Variants in SCARB1 observed in about 807,000 individuals in gnomAD.
The protein encoded by SCARB1 is scavenger receptor class B member 1.
A neutral mutation model predicts 57.2 loss-of-function variants in SCARB1; 30 were observed. That is an observed-to-expected ratio of 0.52 (90% CI 0.39 to 0.71). The LOEUF (loss-of-function observed/expected upper bound fraction) is 0.71. Among genes scored for constraint, SCARB1 ranks in the 30% least tolerant of loss-of-function variants. The pLI is 0.00. For missense variants in SCARB1, 543 were observed against 671.2 expected, an observed-to-expected ratio of 0.81 and a Z score of 2.11; for synonymous variants, 249 against 268.3, an observed-to-expected ratio of 0.93 and a Z score of 0.70.
intron 1 of SCARB1, among the ~76,000 whole-genome samples, chr12:124,842,009 G>A (rs970437207): frequency 6.6e-6 from 1 of 152,192 alleles, no homozygotes; most frequent in East Asian, 1.9e-4. Context: ...AGGATGAGTA[G>A]CTTTCCCTGC....
chr12:124,858,792 T>G (rs371164244), intron 1 of SCARB1, among the ~76,000 whole-genome samples: 1 of 150,760 alleles, frequency 6.6e-6, no homozygotes, highest in Non-Finnish European at 1.5e-5. Context: ...GGCAGGAGAA[T>G]GGCGTGAACC....
chr12:124,837,524 G>C (rs1206050440), intron 1 of SCARB1, among the ~76,000 whole-genome samples: 1 of 87,340 alleles, frequency 1.1e-5, no homozygotes. Flanking sequence ...GAAAAGAAAG[G>C]AAAGAAAAAG....
rs1950071865 is a variant in SCARB1, at chr12:124,799,837, G to A, written c.1128+287C>T. Among the ~76,000 whole-genome samples, 3 of 152,162 alleles carry A rather than the reference G, an allele frequency of 2.0e-5. No individual in the cohort carries two copies. The South Asian group carries it at 6.2e-4, about 32-fold the overall frequency. On this transcript the variant is annotated intron_variant, in intron 8 of 12. Coordinates refer to ENST00000261693, the MANE Select transcript of SCARB1 (RefSeq NM_005505.5). ...TTTATGGTATCTTGACACATCCAGA[G>A]GGCTGCCTCCAGCTCACATGTAGGA...
intron 1 of SCARB1, among the ~76,000 whole-genome samples, chr12:124,849,548 C>A (rs955717036): frequency 3.3e-5 from 5 of 152,256 alleles, no homozygotes; most frequent in Non-Finnish European, 7.3e-5. Context: ...CCCACCCAGG[C>A]CCCTTCCACC....
At chr12:124,846,230 A>T (rs541358757) in intron 1 of SCARB1, among the ~76,000 whole-genome samples, 2 of 152,142 alleles carry the variant, frequency 1.3e-5, no homozygotes, top group Non-Finnish European at 2.9e-5. Flanking sequence ...GTGAATTTGA[A>T]CTCAATAAAT....
chr12:124,779,780 G>A (rs75784896), intron 12 of SCARB1, among the ~76,000 whole-genome samples: 179 of 152,124 alleles, frequency 1.2e-3, no homozygotes, highest in African/African-American at 4.1e-3. Flanking sequence ...GCCCACCTCC[G>A]CCCACCTGTG....
At chr12:124,863,483 G>A (rs1952986121) in intron 1 of SCARB1, 112 bp downstream of exon 1, 3 of 1,178,050 alleles carry the variant, frequency 2.5e-6, no homozygotes, top group African/African-American at 3.3e-5. Flanking sequence ...GCCAGGCCCG[G>A]GCGCCGATTC....
At chr12:124,799,995 C>G (rs1021293039) in intron 8 of SCARB1, 129 bp downstream of exon 8, 1 of 758,722 alleles carries the variant, frequency 1.3e-6, no homozygotes, top group Non-Finnish European at 2.4e-6. Flanking sequence ...TTTGGTGGCT[C>G]GAGATTCTAG....
chr12:124,783,105 G>A, intron 11 of SCARB1: 1 of 402,138 alleles, frequency 2.5e-6, no homozygotes, highest in Non-Finnish European at 4.6e-6. Flanking sequence ...GGGCCATGGA[G>A]ACCGACAACC....
At chr12:124,816,773 G>A (rs986312829) in intron 2 of SCARB1, among the ~76,000 whole-genome samples, 2 of 152,108 alleles carry the variant, frequency 1.3e-5, no homozygotes, top group African/African-American at 4.8e-5. Context: ...CATCCTGAGT[G>A]TCCCGGTGAC....
chr12:124,857,894 G>A (rs1242397367), intron 1 of SCARB1, among the ~76,000 whole-genome samples: 1 of 152,202 alleles, frequency 6.6e-6, no homozygotes, highest in Non-Finnish European at 1.5e-5. Flanking sequence ...CATTGAAGAT[G>A]GTGGTCTTGG....
chr12:124,846,590 A>C (rs1395749927), intron 1 of SCARB1, among the ~76,000 whole-genome samples: 1 of 151,882 alleles, frequency 6.6e-6, no homozygotes, highest in Non-Finnish European at 1.5e-5. Context: ...CTCTACTAAA[A>C]ATACAAAAAT....
At chr12:124,821,159 G>A (rs897849888) in intron 1 of SCARB1, among the ~76,000 whole-genome samples, 3 of 151,942 alleles carry the variant, frequency 2.0e-5, no homozygotes, top group Non-Finnish European at 1.5e-5. Context: ...GATGACTTGA[G>A]CCCAGGAAGC....
intron 1 of SCARB1, among the ~76,000 whole-genome samples, chr12:124,819,777 T>C (rs1594294535): frequency 6.6e-6 from 1 of 152,202 alleles, no homozygotes; most frequent in Non-Finnish European, 1.5e-5. Flanking sequence ...AGCTGGCCAG[T>C]CAGGGCCAGC....
intron 1 of SCARB1, among the ~76,000 whole-genome samples, chr12:124,834,045 G>T (rs1951529114): frequency 6.6e-6 from 1 of 152,248 alleles, no homozygotes; most frequent in Admixed American, 6.5e-5. Context: ...CCTCCTGCCA[G>T]TGACACGAGG....
intron 1 of SCARB1, among the ~76,000 whole-genome samples, chr12:124,833,168 T>A (rs1451172258): frequency 6.7e-6 from 1 of 149,852 alleles, no homozygotes; most frequent in East Asian, 2.0e-4. Context: ...CAATCCAAGT[T>A]CATCTCCCAT....
At chr12:124,860,333 T>C (rs558949206) in intron 1 of SCARB1, among the ~76,000 whole-genome samples, 1 of 152,244 alleles carries the variant, frequency 6.6e-6, no homozygotes, top group Non-Finnish European at 1.5e-5. Flanking sequence ...GAAAAAGATG[T>C]CAACTAGTGT....
At chr12:124,808,429 T>C (rs747532845) in intron 6 of SCARB1, among the ~76,000 whole-genome samples, 2 of 152,228 alleles carry the variant, frequency 1.3e-5, no homozygotes, top group Non-Finnish European at 2.9e-5. Context: ...GCATAAGCTC[T>C]GCTCAGCCCT....
chr12:124,825,092 GC>G (rs1951087815), intron 1 of SCARB1, among the ~76,000 whole-genome samples: 1 of 151,938 alleles, frequency 6.6e-6, no homozygotes, highest in South Asian at 2.1e-4. Flanking sequence ...AGGCGTGGTG[GC>G]AGATGCCTGT....
Sources: allele counts gnomAD v4.1 joint callset (sites outside exome capture counted in the v4.1 genomes callset), GRCh38; gene constraint gnomAD v4.1.1; transcripts MANE v1.5; gene names NCBI Gene and HGNC (gene_info 2026-07-23, HGNC 2026-07-21).